ZNF626: variants seen among roughly 807,000 people sequenced by gnomAD.
ZNF626 encodes the protein CTC-513N18.7.
Under a neutral mutation model 11.7 loss-of-function variants are expected in ZNF626, and 4 were observed. The ratio of observed to expected loss-of-function variants is 0.34; its 90% CI spans 0.17 to 0.78. The LOEUF is 0.78. ZNF626 is among the 30% of genes least tolerant of loss of function. The pLI is 0.57. For missense variants in ZNF626, 588 were observed against 587.1 expected, an observed-to-expected ratio of 1.00 and a Z score of -0.01; for synonymous variants, 179 against 198.6, an observed-to-expected ratio of 0.90 and a Z score of 0.83.
chr19:20,624,918 T>G lies in ZNF626; in HGVS notation c.959A>C (p.Lys320Thr). ...EKPYKCEECD[K>T]AFKYSYTLTT... Reference sequence around the variant, plus strand: ...AAGGGTATAGGAGTACTTAAAGGCTTTGTCACATTCTTCACATTTGTAGGG... The same window carrying G: ...AAGGGTATAGGAGTACTTAAAGGCTGTGTCACATTCTTCACATTTGTAGGG... Residue 320 changes from lysine to threonine, a missense_variant, in exon 4 of 4, where the codon AAA becomes ACA. Around this residue, in one of 4 missense-constraint regions of ZNF626, gnomAD observed 524 missense variants for 470.1 expected, o/e 1.11. Coordinates refer to ENST00000601440, the MANE Select transcript of ZNF626 (RefSeq NM_001076675.3). 2 of 1,613,914 alleles carry G rather than the reference T, an allele frequency of 1.2e-6. No homozygotes were observed. The highest frequency in any genetic ancestry group is 1.7e-6 in the Non-Finnish European group (2 of 1,179,986).
intron 1 of ZNF626, among the ~76,000 whole-genome samples, chr19:20,657,307 A>G (rs1171506980): frequency 6.6e-6 from 1 of 152,130 alleles, no homozygotes; most frequent in African/African-American, 2.4e-5. Flanking sequence ...TTGAGCCTGA[A>G]AGATGGAAGC....
chr19:20,649,745 A>C (rs1465279307), intron 1 of ZNF626, among the ~76,000 whole-genome samples: 1 of 152,238 alleles, frequency 6.6e-6, no homozygotes, highest in African/African-American at 2.4e-5. Context: ...CAATTTATGT[A>C]ATGTGACTCT....
chr19:20,649,302 A>G (rs1376870538), intron 1 of ZNF626, among the ~76,000 whole-genome samples: 1 of 152,198 alleles, frequency 6.6e-6, no homozygotes, highest in African/African-American at 2.4e-5. Flanking sequence ...ACAACAGAAG[A>G]CATTCAGGAA....
At chr19:20,632,023 T>G (rs1247592407) in intron 3 of ZNF626, among the ~76,000 whole-genome samples, 1 of 152,112 alleles carries the variant, frequency 6.6e-6, no homozygotes, top group Admixed American at 6.6e-5. Flanking sequence ...GTCTGTAAAG[T>G]ATTTTATTTC....
intron 3 of ZNF626, chr19:20,645,107 A>G: frequency 4.4e-6 from 2 of 459,004 alleles, no homozygotes; most frequent in Non-Finnish European, 6.1e-6. Context: ...CAATTCAAAA[A>G]TTTACATGAA....
intron 3 of ZNF626, among the ~76,000 whole-genome samples, chr19:20,638,013 A>G (rs1969984654): frequency 6.6e-6 from 1 of 151,966 alleles, no homozygotes; most frequent in African/African-American, 2.4e-5. Flanking sequence ...GTGATGGCAC[A>G]TACTAGTAAC....
rs1969761076 is a variant in ZNF626 at position 20,621,789 on chromosome 19, C to G, written c.*2501G>C. 6.6e-6 allele frequency: 1 copy of G among 152,204 alleles called. No individual in the cohort carries two copies. Among genetic ancestry groups the G allele is most frequent in the Non-Finnish European group, 1.5e-5 (1 of 68,040 alleles). 9.4% of individuals were successfully genotyped at this position (152,204 alleles called of 1,614,324 possible). A position where few individuals can be genotyped will look rare whatever the true frequency, so the allele number is the denominator to read the frequency against. On this transcript the variant is annotated 3_prime_UTR_variant, in exon 4 of 4. Coordinates refer to ENST00000601440, the MANE Select transcript of ZNF626 (RefSeq NM_001076675.3). ...CCACTACATACCAAATAGTATACTTCTTCCATCTTTTGCTTACACCATTTG... is the reference window on the plus strand; with the variant it reads ...CCACTACATACCAAATAGTATACTTGTTCCATCTTTTGCTTACACCATTTG...
intron 3 of ZNF626, among the ~76,000 whole-genome samples, chr19:20,641,118 A>G: frequency 7.0e-6 from 1 of 143,192 alleles, no homozygotes; most frequent in Non-Finnish European, 1.5e-5. Flanking sequence ...CGTGGGTGAC[A>G]GAGTGAGACT....
At chr19:20,627,340 A>G (rs1163713690) in intron 3 of ZNF626, among the ~76,000 whole-genome samples, 2 of 152,036 alleles carry the variant, frequency 1.3e-5, no homozygotes, top group Non-Finnish European at 2.9e-5. Context: ...GAATTTTTGT[A>G]TTCAACTGAA....
chr19:20,626,744 ATGGCT>A (rs1969838879), intron 3 of ZNF626, among the ~76,000 whole-genome samples: 1 of 152,124 alleles, frequency 6.6e-6, no homozygotes, highest in Admixed American at 6.6e-5. Context: ...GCTGGGCGCA[ATGGCT>A]CATGCCTGTA....
rs10407293 is a variant in ZNF626, at chr19:20,623,942, A to G, written c.*348T>C. The stretch of plus-strand genomic sequence containing the variant: ...TCTGTCACATTCTTTATATTTGTAG[A>G]GTTTATATTTCATATCAATTCTTAG... On this transcript the variant is annotated 3_prime_UTR_variant, in exon 4 of 4. Coordinates refer to ENST00000601440, the MANE Select transcript of ZNF626 (RefSeq NM_001076675.3). The G allele has an allele frequency of 0.83, 338,142 of 408,062 alleles. 141,647 individuals are homozygous for G. The highest frequency in any genetic ancestry group is 0.87 in the Admixed American group (24,198 of 27,724). The allele number at this position is 408,062 out of a possible 1,614,324, so 25.3% of individuals were successfully genotyped here.
intron 1 of ZNF626, among the ~76,000 whole-genome samples, chr19:20,657,836 A>G (rs1341294397): frequency 6.6e-6 from 1 of 152,160 alleles, no homozygotes; most frequent in Non-Finnish European, 1.5e-5. Flanking sequence ...AAACAAAAAA[A>G]AGAAAATTAA....
At chr19:20,628,123 G>C (rs1302357198) in intron 3 of ZNF626, among the ~76,000 whole-genome samples, 1 of 152,092 alleles carries the variant, frequency 6.6e-6, no homozygotes, top group Non-Finnish European at 1.5e-5. Flanking sequence ...CATTTTTTAT[G>C]GCTGCATAGT....
intron 1 of ZNF626, among the ~76,000 whole-genome samples, chr19:20,656,683 TA>T (rs143396017): frequency 0.51 from 73,216 of 143,588 alleles, 20,567 homozygotes; most frequent in African/African-American, 0.78. Flanking sequence ...CAAGCATTAT[TA>T]AAAAAAAAAA....
chr19:20,650,116 G>A (rs1464411487), intron 1 of ZNF626, among the ~76,000 whole-genome samples: 2 of 152,062 alleles, frequency 1.3e-5, no homozygotes, highest in Admixed American at 1.3e-4. Flanking sequence ...TGTGCTGGGC[G>A]TAACATATTA....
At chr19:20,641,627 TCACC>T (rs1205725116) in intron 3 of ZNF626, among the ~76,000 whole-genome samples, 1 of 152,172 alleles carries the variant, frequency 6.6e-6, no homozygotes, top group Non-Finnish European at 1.5e-5. Context: ...TCTCACTCTG[TCACC>T]CAAGCTGGTG....
chr19:20,660,362 A>T (rs1970252247), intron 1 of ZNF626, among the ~76,000 whole-genome samples: 1 of 152,012 alleles, frequency 6.6e-6, no homozygotes, highest in Non-Finnish European at 1.5e-5. Context: ...TTTTGAAACT[A>T]AGTGTTAGAA....
At chr19:20,642,520 T>C (rs1192984994) in intron 3 of ZNF626, among the ~76,000 whole-genome samples, 4 of 151,896 alleles carry the variant, frequency 2.6e-5, no homozygotes, top group Admixed American at 2.0e-4. Context: ...GGCTTGAACT[T>C]GGAAGGCGGA....
intron 1 of ZNF626, among the ~76,000 whole-genome samples, chr19:20,646,921 C>G (rs1555771974): frequency 3.9e-5 from 6 of 152,114 alleles, no homozygotes; most frequent in African/African-American, 1.4e-4. Flanking sequence ...CATCTCAGCT[C>G]ACCGCCACCT....
Sources: gnomAD v4.1 joint callset for allele counts (sites outside exome capture counted in the v4.1 genomes callset) on GRCh38, gnomAD v4.1.1 for gene constraint, gnomAD v4.1.1 regional missense constraint, MANE v1.5 for transcripts, NCBI Gene and HGNC (gene_info 2026-07-23, HGNC 2026-07-21) for gene names.